KDM1B: variants seen among roughly 807,000 people sequenced by gnomAD.
KDM1B encodes the protein lysine-specific histone demethylase 2.
KDM1B carries 63 observed loss-of-function variants against 107.4 expected under a neutral mutation model. That is an observed-to-expected ratio of 0.59 (90% CI 0.48 to 0.72). The LOEUF (loss-of-function observed/expected upper bound fraction) is 0.72, where lower values mean the gene tolerates loss of function less well. Ranked by LOEUF, KDM1B falls within the 30% of genes least tolerant of loss-of-function variation. KDM1B has a pLI of 0.00. For synonymous variants in KDM1B, 363 were observed against 363.9 expected, an observed-to-expected ratio of 1.00 and a Z score of 0.03; for missense variants, 749 against 1,020.8, an observed-to-expected ratio of 0.73 and a Z score of 3.63.
chr6:18,205,407 T>A lies in KDM1B; in HGVS notation c.1532-130T>A. ...CCTTATCAAGAGATCTTTTCCCCTC[T>A]GACTTTACTTGGGAAAAGACTTTGG... is the stretch of plus-strand genomic sequence containing the variant. On this transcript the variant is annotated intron_variant, in intron 14 of 21. Transcript: ENST00000650836. This position sits in a 1 kb window ranked among gnomAD's most constrained non-coding sequence, Gnocchi z 5.7. 1.4e-6 allele frequency: 1 copy of A among 737,266 alleles called. No individual in the cohort carries two copies. Among genetic ancestry groups the A allele is most frequent in the Non-Finnish European group, 2.1e-6 (1 of 481,150 alleles). The allele number at this position is 737,266 out of a possible 1,614,324, so 45.7% of individuals were successfully genotyped here. A position where few individuals can be genotyped will look rare whatever the true frequency, so the allele number is the denominator to read the frequency against.
At chr6:18,180,179 A>C (rs1413509422) in intron 7 of KDM1B, among the ~76,000 whole-genome samples, 2 of 151,922 alleles carry the variant, frequency 1.3e-5, no homozygotes, top group Non-Finnish European at 2.9e-5. Context: ...AGGAGCTGAC[A>C]TGAGGGCGTG....
chr6:18,197,508 C>A lies in KDM1B; in HGVS notation c.1147-79C>A. The A allele has an allele frequency of 9.0e-7, 1 of 1,107,388 alleles. No homozygotes were observed. The highest frequency in any genetic ancestry group is 1.5e-5 in the African/African-American group (1 of 64,914). The allele number at this position is 1,107,388 out of a possible 1,614,324, so 68.6% of individuals were successfully genotyped here. A position where few individuals can be genotyped will look rare whatever the true frequency, so the allele number is the denominator to read the frequency against. ...AAAGAAATGTAAATGAACGAATTTG[C>A]TCTGCAGTTCCGGAACAACTAAAAC... On this transcript the variant is annotated intron_variant, in intron 11 of 21. Coordinates refer to ENST00000650836, the MANE Select transcript of KDM1B (RefSeq NM_001364614.2). This position sits in a 1 kb window ranked among gnomAD's most constrained non-coding sequence, Gnocchi z 4.5.
intron 21 of KDM1B, among the ~76,000 whole-genome samples, chr6:18,220,954 T>A (rs1273874636): frequency 2.6e-5 from 4 of 151,816 alleles, no homozygotes; most frequent in Non-Finnish European, 5.9e-5. Context: ...TTTCATCATG[T>A]TGGTCAGGCA....
intron 4 of KDM1B, among the ~76,000 whole-genome samples, chr6:18,161,802 T>A (rs1166810196): frequency 1.3e-5 from 2 of 152,146 alleles, no homozygotes; most frequent in Non-Finnish European, 2.9e-5. Flanking sequence ...CACCAGTGTT[T>A]GTTTACTTTT....
chr6:18,194,253 G>GTT (rs1363893870), intron 10 of KDM1B, among the ~76,000 whole-genome samples: 5 of 152,180 alleles, frequency 3.3e-5, no homozygotes, highest in African/African-American at 1.2e-4. Flanking sequence ...GACCTCAGGT[G>GTT]ATCCACCCGC....
intron 10 of KDM1B, among the ~76,000 whole-genome samples, chr6:18,195,733 C>CAAAAAAAAAAA (rs774459443): frequency 1.9e-5 from 2 of 107,870 alleles, no homozygotes; most frequent in African/African-American, 3.6e-5. Context: ...AACTCCATAT[C>CAAAAAAAAAAA]AAAAAAAAAA....
At position 18,201,712 on chromosome 6, in the gene KDM1B, C is replaced by G; in HGVS notation, c.1531+55C>G. 1 of 1,424,392 alleles carries G rather than the reference C, an allele frequency of 7.0e-7. No individual in the cohort carries two copies. Among genetic ancestry groups the G allele is most frequent in the Non-Finnish European group, 9.5e-7 (1 of 1,055,226 alleles). 88.2% of individuals were successfully genotyped at this position (1,424,392 alleles called of 1,614,324 possible). A position where few individuals can be genotyped will look rare whatever the true frequency, so the allele number is the denominator to read the frequency against. ...CATCTCAGTTTCGTTGTTACCTAAG[C>G]TTCATCAGCAGTGGCATTGTTCATT... On this transcript the variant is annotated intron_variant, in intron 14 of 21. Coordinates refer to ENST00000650836, the MANE Select transcript of KDM1B (RefSeq NM_001364614.2). The surrounding 1 kb of genome is among the most constrained non-coding windows in gnomAD (Gnocchi z 4.3).
chr6:18,193,298 CTTTTTTTT>C (rs61133563), intron 10 of KDM1B, among the ~76,000 whole-genome samples: 1 of 90,076 alleles, frequency 1.1e-5, no homozygotes, highest in African/African-American at 4.1e-5. Context: ...TGTGTGCTTT[CTTTTTTTT>C]TTTTTTTTTT....
chr6:18,218,926 G>A (rs1016629173), intron 21 of KDM1B, among the ~76,000 whole-genome samples: 8 of 151,658 alleles, frequency 5.3e-5, no homozygotes, highest in Admixed American at 1.3e-4. Flanking sequence ...TTTTTGAGAC[G>A]GAGTCTCTCT....
At chr6:18,161,715 T>A (rs1294538874) in intron 4 of KDM1B, among the ~76,000 whole-genome samples, 1 of 152,110 alleles carries the variant, frequency 6.6e-6, no homozygotes, top group African/African-American at 2.4e-5. Context: ...CAACCATATC[T>A]ACCTCTCCAA....
At chr6:18,210,551 G>A (rs1212450300) in intron 17 of KDM1B, among the ~76,000 whole-genome samples, 2 of 151,362 alleles carry the variant, frequency 1.3e-5, no homozygotes, top group African/African-American at 4.9e-5. Context: ...TGTAGAGACA[G>A]TGTTTCCCTA....
chr6:18,170,331 G>T (rs1403090009), intron 6 of KDM1B, among the ~76,000 whole-genome samples: 1 of 152,084 alleles, frequency 6.6e-6, no homozygotes, highest in Non-Finnish European at 1.5e-5. Context: ...ATTAACTTTG[G>T]CATAGTACTA....
intron 7 of KDM1B, among the ~76,000 whole-genome samples, chr6:18,182,460 T>C (rs138923248): frequency 3.3e-5 from 5 of 152,334 alleles, no homozygotes; most frequent in Admixed American, 3.3e-4. Flanking sequence ...GTTTTTGATT[T>C]TGCTGTTTCT....
chr6:18,199,524 G>A (rs1787894569), intron 12 of KDM1B, among the ~76,000 whole-genome samples: 2 of 152,098 alleles, frequency 1.3e-5, no homozygotes, highest in African/African-American at 4.8e-5. Context: ...AGGTAATGCA[G>A]CTCTGGGAAT....
At chr6:18,181,631 G>A (rs570577971) in intron 7 of KDM1B, among the ~76,000 whole-genome samples, 3 of 152,032 alleles carry the variant, frequency 2.0e-5, no homozygotes, top group East Asian at 1.9e-4. Flanking sequence ...CTGTAGTCCC[G>A]GCTACTTGGG....
At chr6:18,199,221 T>C (rs926960479) in intron 12 of KDM1B, among the ~76,000 whole-genome samples, 1 of 151,840 alleles carries the variant, frequency 6.6e-6, no homozygotes, top group Non-Finnish European at 1.5e-5. Context: ...AAATGGATGG[T>C]TCTGTCAGAG....
Position 18,203,263 on chromosome 6 carries a change from T to G in KDM1B, c.1531+1606T>G, listed in dbSNP as rs975311453. Among the ~76,000 whole-genome samples the G allele has an allele frequency of 6.6e-6, 1 of 152,122 alleles. No individual in the cohort carries two copies. Among genetic ancestry groups the G allele is most frequent in the African/African-American group, 2.4e-5 (1 of 41,434 alleles). On this transcript the variant is annotated intron_variant, in intron 14 of 21. Coordinates refer to ENST00000650836, the MANE Select transcript of KDM1B (RefSeq NM_001364614.2). The surrounding 1 kb of genome is among the most constrained non-coding windows in gnomAD (Gnocchi z 5.5). ...CTGCACCTCAGCTTGGGTGACATAG[T>G]GAGACACTGTCTCACAAACAAAACA...
Position 18,197,520 on chromosome 6 carries a change from G to C in KDM1B, c.1147-67G>C. 7.9e-7 allele frequency: 1 copy of C among 1,270,242 alleles called. No individual in the cohort carries two copies. The highest frequency in any genetic ancestry group is 2.4e-5 in the East Asian group (1 of 42,404). 78.7% of individuals were successfully genotyped at this position (1,270,242 alleles called of 1,614,324 possible). A position where few individuals can be genotyped will look rare whatever the true frequency, so the allele number is the denominator to read the frequency against. The stretch of plus-strand genomic sequence containing the variant: ...ATGAACGAATTTGCTCTGCAGTTCC[G>C]GAACAACTAAAACAGGACGTTGTTA... On this transcript the variant is annotated intron_variant, in intron 11 of 21. Coordinates refer to ENST00000650836, the MANE Select transcript of KDM1B (RefSeq NM_001364614.2). This position sits in a 1 kb window ranked among gnomAD's most constrained non-coding sequence, Gnocchi z 4.5.
At chr6:18,196,203 G>A (rs1219206641) in intron 10 of KDM1B, among the ~76,000 whole-genome samples, 2 of 152,120 alleles carry the variant, frequency 1.3e-5, no homozygotes, top group African/African-American at 4.8e-5. Flanking sequence ...CCATTGTGTG[G>A]ATATAGCACA....
Sources: allele counts gnomAD v4.1 joint callset (sites outside exome capture counted in the v4.1 genomes callset), GRCh38; gene constraint gnomAD v4.1.1; non-coding constraint Gnocchi (gnomAD v3.1); transcripts MANE v1.5; gene names NCBI Gene and HGNC (gene_info 2026-07-23, HGNC 2026-07-21).